MBP: variants seen among roughly 807,000 people sequenced by gnomAD.
The protein encoded by MBP is myelin basic protein.
Under a neutral mutation model 35.8 loss-of-function variants are expected in MBP, and 16 were observed. The ratio of observed to expected loss-of-function variants is 0.45; its 90% CI spans 0.30 to 0.68. The LOEUF (loss-of-function observed/expected upper bound fraction) is 0.68, where lower values mean the gene tolerates loss of function less well. Among genes scored for constraint, MBP ranks in the 30% least tolerant of loss-of-function variants. The probability of loss-of-function intolerance (pLI) is 0.08; values close to 1 mark genes in which losing one functional copy is unlikely to be tolerated. For synonymous variants in MBP, 143 were observed against 159.6 expected (o/e 0.90, Z 0.78); for missense variants, 380 against 404.7 (o/e 0.94, Z 0.52).
intron 1 of MBP, among the ~76,000 whole-genome samples, chr18:77,130,624 T>C (rs190988782): frequency 8.4e-4 from 128 of 151,964 alleles, no homozygotes; most frequent in Admixed American, 2.7e-3. Flanking sequence ...CAAAATAACT[T>C]ACAATTAACA....
At chr18:77,015,480 G>A in intron 4 of MBP, 3 of 985,400 alleles carry the variant, frequency 3.0e-6, no homozygotes, top group Non-Finnish European at 3.6e-6. Flanking sequence ...TCAGGGTGAG[G>A]GAGGACTGCT....
At chr18:76,985,056 G>T (rs1160509993) in intron 7 of MBP, 162 bp from the exon 8 acceptor site, 11 of 1,481,880 alleles carry the variant, frequency 7.4e-6, no homozygotes, top group Non-Finnish European at 8.2e-6. Flanking sequence ...GAGGGGGTGG[G>T]GGCGGGAGAG....
chr18:77,016,712 C>T (rs1400921004), intron 4 of MBP, 120 bp downstream of exon 4: 12 of 1,477,830 alleles, frequency 8.1e-6, no homozygotes, highest in Admixed American at 6.9e-5. Context: ...CAGCACGGAA[C>T]GAGACCTTAG....
chr18:77,097,632 G>C (rs911970865), intron 2 of MBP, among the ~76,000 whole-genome samples: 7 of 152,178 alleles, frequency 4.6e-5, no homozygotes, highest in Non-Finnish European at 1.0e-4. Flanking sequence ...CTCACCCAGC[G>C]GGCATCCTCT....
intron 4 of MBP, chr18:77,002,890 C>A (rs1055891051): frequency 1.3e-5 from 2 of 152,186 alleles, no homozygotes; most frequent in African/African-American, 4.8e-5. Context: ...TGTAGACTTA[C>A]CTTGTAGTAA....
intron 1 of MBP, among the ~76,000 whole-genome samples, chr18:77,117,591 G>A (rs1976708565): frequency 6.6e-6 from 1 of 152,012 alleles, no homozygotes; most frequent in Non-Finnish European, 1.5e-5. Flanking sequence ...GATTGTGACT[G>A]TCCTGAAATT....
chr18:76,984,807 C>G lies in MBP; in HGVS notation c.838G>C (p.Ala280Pro). ...AAAATTTTGGAAAGCGTGCCCTGGG[C>G]ATCGACTCCCTTGAATCCCTTGTGA... ...SAHKGFKGVD[A>P]QGTLSKIFKL... The change falls in exon 8 of 9, where the codon GCC (alanine) becomes CCC (proline). Residue 280 changes from alanine to proline, a missense_variant. By Grantham distance (27) the Ala-to-Pro change is conservative (BLOSUM62 -1). Coordinates refer to ENST00000355994, the MANE Select transcript of MBP (RefSeq NM_001025101.2). 6.2e-7 allele frequency: 1 copy of G among 1,614,110 alleles called. No homozygotes were observed. The highest frequency in any genetic ancestry group is 8.5e-7 in the Non-Finnish European group (1 of 1,180,044).
Position 77,013,558 on chromosome 18 carries a change from C to T in MBP, c.576+3274G>A, listed in dbSNP as rs116151325. ...AATTTACAGGACTGATTATATCCCA[C>T]GGCACTGAATGACAAACAGTTCTTC... On this transcript the variant is annotated intron_variant, in intron 4 of 8. Transcript: ENST00000355994. 425 of 985,382 alleles carry T rather than the reference C, an allele frequency of 4.3e-4. No homozygotes were observed. In the African/African-American group the frequency reaches 6.6e-3, roughly 15 times the overall value. The allele number at this position is 985,382 out of a possible 1,614,324, so 61.0% of individuals were successfully genotyped here. A position where few individuals can be genotyped will look rare whatever the true frequency, so the allele number is the denominator to read the frequency against.
chr18:76,998,327 G>A (rs1970433688), intron 4 of MBP, among the ~76,000 whole-genome samples: 3 of 37,554 alleles, frequency 8.0e-5, no homozygotes, highest in Admixed American at 7.2e-4. Context: ...TGCGGCCCCC[G>A]TCAGAATCCC....
chr18:77,130,574 T>G (rs1444544333), intron 1 of MBP, among the ~76,000 whole-genome samples: 2 of 152,092 alleles, frequency 1.3e-5, no homozygotes, highest in Middle Eastern at 3.4e-3. Flanking sequence ...CTTAAGCATG[T>G]CATATTTTTA....
rs1438709877 is a variant in MBP at position 77,044,366 on chromosome 18, A to G, written c.139+21932T>C. ...CCGTGACCTCCCCCAACTCTGCTGCAGCTGCCGTGGTGCCAGCCCCCTGCC... is the reference window on the plus strand; with the variant it reads ...CCGTGACCTCCCCCAACTCTGCTGCGGCTGCCGTGGTGCCAGCCCCCTGCC... On this transcript the variant is annotated intron_variant, in intron 3 of 8. Coordinates refer to ENST00000355994, the MANE Select transcript of MBP (RefSeq NM_001025101.2). This position sits in a 1 kb window ranked among gnomAD's most constrained non-coding sequence, Gnocchi z 4.4. Among the ~76,000 whole-genome samples the G allele has an allele frequency of 6.6e-6, 1 of 151,586 alleles. No homozygotes were observed. The highest frequency in any genetic ancestry group is 1.5e-5 in the Non-Finnish European group (1 of 67,890).
intron 1 of MBP, among the ~76,000 whole-genome samples, chr18:77,125,261 G>A (rs184851379): frequency 8.6e-5 from 13 of 151,844 alleles, no homozygotes; most frequent in African/African-American, 2.9e-4. Context: ...CTTCATTATC[G>A]CTGGTGTCAT....
intron 4 of MBP, chr18:77,013,997 C>A: frequency 9.1e-6 from 9 of 985,428 alleles, no homozygotes; most frequent in Non-Finnish European, 1.1e-5. Context: ...AAGCACACGA[C>A]AATCTTGGCC....
chr18:77,049,840 C>T (rs113542810), intron 3 of MBP, among the ~76,000 whole-genome samples: 14,571 of 151,886 alleles, frequency 0.096, 1,258 homozygotes, highest in East Asian at 0.31. Context: ...TCACGACACC[C>T]GGCTAATTTT....
At chr18:77,038,038 T>C (rs994079147) in intron 3 of MBP, among the ~76,000 whole-genome samples, 1 of 152,188 alleles carries the variant, frequency 6.6e-6, no homozygotes, top group African/African-American at 2.4e-5. Context: ...AGGGTTCCTG[T>C]CAATAATGAC....
At chr18:77,080,403 C>G (rs984101508) in intron 2 of MBP, among the ~76,000 whole-genome samples, 2 of 152,240 alleles carry the variant, frequency 1.3e-5, no homozygotes, top group African/African-American at 2.4e-5. Context: ...CACCTGGGGC[C>G]CTGCTGGCAT....
chr18:77,046,955 G>C (rs1204496550), intron 3 of MBP, among the ~76,000 whole-genome samples: 1 of 152,214 alleles, frequency 6.6e-6, no homozygotes, highest in Non-Finnish European at 1.5e-5. Flanking sequence ...CCATCCCTCA[G>C]CTGCCTGCAA....
intron 3 of MBP, among the ~76,000 whole-genome samples, chr18:77,025,086 T>C (rs1235303468): frequency 1.3e-5 from 2 of 152,130 alleles, no homozygotes; most frequent in Admixed American, 6.5e-5. Context: ...TACCAGAAAC[T>C]GAGACTTAGC....
chr18:77,116,439 A>G (rs1789089), intron 1 of MBP, among the ~76,000 whole-genome samples: 65,446 of 152,086 alleles, frequency 0.43, 14,920 homozygotes, highest in Non-Finnish European at 0.5. Flanking sequence ...CACAGCATGA[A>G]ACAGAATGAT....
Sources: gnomAD v4.1 joint callset for allele counts (sites outside exome capture counted in the v4.1 genomes callset) on GRCh38, gnomAD v4.1.1 for gene constraint, Gnocchi (gnomAD v3.1) non-coding constraint, MANE v1.5 for transcripts, NCBI Gene and HGNC (gene_info 2026-07-23, HGNC 2026-07-21) for gene names.